GALNT13: variants seen among roughly 807,000 people sequenced by gnomAD.
The protein encoded by GALNT13 is UDP-GalNAc:polypeptide N-acetylgalactosaminyltransferase 13.
GALNT13 carries 28 observed loss-of-function variants against 64.2 expected under a neutral mutation model. That is an observed-to-expected ratio of 0.44 (90% CI 0.32 to 0.60). The LOEUF (loss-of-function observed/expected upper bound fraction) is 0.60, where lower values mean the gene tolerates loss of function less well. Ranked by LOEUF, GALNT13 falls within the 20% of genes least tolerant of loss-of-function variation. The pLI is 0.05. For synonymous variants in GALNT13, 214 were observed against 224.6 expected (o/e 0.95, Z 0.42); for missense variants, 577 against 669.8 (o/e 0.86, Z 1.53).
intron 10 of GALNT13, among the ~76,000 whole-genome samples, chr2:154,401,760 A>T (rs1699313180): frequency 6.6e-6 from 1 of 152,162 alleles, no homozygotes. Context: ...TCCACCAAAT[A>T]AATTAAATTG....
At chr2:153,895,843 C>A (rs1246122709) in intron 1 of GALNT13, among the ~76,000 whole-genome samples, 2 of 151,348 alleles carry the variant, frequency 1.3e-5, no homozygotes, top group Admixed American at 6.6e-5. Flanking sequence ...CTTTTTGCCA[C>A]AAATATTTGA....
the GALNT13 span, among the ~76,000 whole-genome samples, chr2:153,072,427 A>G: frequency 3.9e-5 from 6 of 152,220 alleles, no homozygotes; most frequent in East Asian, 1.9e-4. Flanking sequence ...AAAGGAAGAA[A>G]TAAGTAAATC....
chr2:153,100,435 C>G, the GALNT13 span, among the ~76,000 whole-genome samples: 1 of 152,166 alleles, frequency 6.6e-6, no homozygotes, highest in South Asian at 2.1e-4. Context: ...CTACTTAGAG[C>G]TGTATGGAGA....
the GALNT13 span, among the ~76,000 whole-genome samples, chr2:153,289,368 A>G: frequency 6.6e-6 from 1 of 152,188 alleles, no homozygotes. Flanking sequence ...CATTCTGTTG[A>G]AGGGTTTATC....
At chr2:153,531,477 C>G in the GALNT13 span, among the ~76,000 whole-genome samples, 1 of 152,168 alleles carries the variant, frequency 6.6e-6, no homozygotes, top group African/African-American at 2.4e-5. Flanking sequence ...CACCAGTCTC[C>G]ACCTCCAGCA....
In GALNT13 at chr2:154,369,103, A is replaced by G. The variant is rs184304669; in HGVS notation, c.1157-26888A>G. ...CTTGAATAAATAAGTACAATTCTGG[A>G]AAAAAAATGTTTCAAATAATGGTAA... On this transcript the variant is annotated intron_variant, in intron 9 of 12. Transcript: ENST00000392825. Among the ~76,000 whole-genome samples, 1,125 of 136,334 alleles carry G rather than the reference A, an allele frequency of 8.3e-3. 6 individuals carry two copies. The highest frequency in any genetic ancestry group is 0.014 in the Non-Finnish European group (865 of 60,176). 89.4% of individuals were successfully genotyped at this position (136,334 alleles called of 152,430 possible). A position where few individuals can be genotyped will look rare whatever the true frequency, so the allele number is the denominator to read the frequency against.
chr2:153,663,960 G>A, the GALNT13 span, among the ~76,000 whole-genome samples: 1 of 152,062 alleles, frequency 6.6e-6, no homozygotes, highest in African/African-American at 2.4e-5. Flanking sequence ...AAAAGGGGAG[G>A]GGGTACGAAT....
the GALNT13 span, among the ~76,000 whole-genome samples, chr2:153,194,975 G>T: frequency 1.3e-5 from 2 of 152,328 alleles, no homozygotes; most frequent in Admixed American, 6.5e-5. Context: ...ACAGCAGTCT[G>T]AGTGTCTTTA....
chr2:153,535,106 T>C, the GALNT13 span, among the ~76,000 whole-genome samples: 1 of 150,994 alleles, frequency 6.6e-6, no homozygotes, highest in African/African-American at 2.4e-5. Flanking sequence ...GAACCTAGAG[T>C]GGGAGAGATT....
intron 9 of GALNT13, among the ~76,000 whole-genome samples, chr2:154,339,973 A>G (rs1003092738): frequency 2.0e-5 from 3 of 152,110 alleles, no homozygotes; most frequent in African/African-American, 7.2e-5. Flanking sequence ...CCACAGAGGT[A>G]TTTTGCAGGT....
At chr2:153,771,980 G>T in the GALNT13 span, among the ~76,000 whole-genome samples, 2 of 152,202 alleles carry the variant, frequency 1.3e-5, no homozygotes, top group Admixed American at 1.3e-4. Context: ...AATGGCATAT[G>T]TAGGCTGGTT....
the GALNT13 span, among the ~76,000 whole-genome samples, chr2:153,444,942 TTGAG>T: frequency 7.2e-5 from 11 of 152,304 alleles, no homozygotes; most frequent in East Asian, 1.3e-3. Context: ...AGAATTTAGA[TTGAG>T]TGTGTATATT....
the GALNT13 span, among the ~76,000 whole-genome samples, chr2:153,399,714 G>A: frequency 6.6e-6 from 1 of 151,950 alleles, no homozygotes; most frequent in Non-Finnish European, 1.5e-5. Flanking sequence ...CTCATGATTT[G>A]GCTCTCTGTT....
chr2:154,057,036 A>T (rs1332885475), intron 3 of GALNT13, among the ~76,000 whole-genome samples: 1 of 151,634 alleles, frequency 6.6e-6, no homozygotes, highest in African/African-American at 2.4e-5. Flanking sequence ...ATTTTATTTT[A>T]TTTTATTTTT....
At chr2:153,602,808 T>A in the GALNT13 span, among the ~76,000 whole-genome samples, 1 of 151,710 alleles carries the variant, frequency 6.6e-6, no homozygotes, top group African/African-American at 2.4e-5. Context: ...CATGTGAAGA[T>A]AGACTCCAGG....
chr2:154,175,131 A>G (rs531279808), intron 4 of GALNT13, among the ~76,000 whole-genome samples: 95 of 152,280 alleles, frequency 6.2e-4, no homozygotes, highest in African/African-American at 2.2e-3. Flanking sequence ...TGAAAGAACC[A>G]GTGAGCCAAA....
the GALNT13 span, among the ~76,000 whole-genome samples, chr2:153,784,013 C>T: frequency 6.6e-6 from 1 of 152,042 alleles, no homozygotes; most frequent in Non-Finnish European, 1.5e-5. Flanking sequence ...CAAAATGTGA[C>T]CCGTAAATGT....
Position 154,070,184 on chromosome 2 carries a change from G to C in GALNT13, c.143-70153G>C, listed in dbSNP as rs1260687537. 1.3e-5 allele frequency among the ~76,000 whole-genome samples: 2 copies of C among 152,046 alleles called. 1 individual carries two copies. The highest frequency in any genetic ancestry group is 2.9e-5 in the Non-Finnish European group (2 of 67,992). ...AGGAATTCATAGTCACTCATTTATT[G>C]AGCCTATCACAAAGTAGAGTTCTTT... On this transcript the variant is annotated intron_variant, in intron 3 of 12. Coordinates refer to ENST00000392825, the MANE Select transcript of GALNT13 (RefSeq NM_052917.4).
At chr2:154,318,871 A>T (rs1185338145) in intron 9 of GALNT13, among the ~76,000 whole-genome samples, 2 of 152,134 alleles carry the variant, frequency 1.3e-5, no homozygotes, top group African/African-American at 4.8e-5. Flanking sequence ...TTAAGTATAC[A>T]CACGCGCGCG....
Sources: allele counts gnomAD v4.1 joint callset (sites outside exome capture counted in the v4.1 genomes callset), GRCh38; gene constraint gnomAD v4.1.1; transcripts MANE v1.5; gene names NCBI Gene and HGNC (gene_info 2026-07-23, HGNC 2026-07-21).